SORCS1: variants seen among roughly 807,000 people sequenced by gnomAD.
The protein encoded by SORCS1 is sortilin related VPS10 domain containing receptor 1.
Under a neutral mutation model 146.1 loss-of-function variants are expected in SORCS1, and 60 were observed. The observed-to-expected ratio is 0.41, with a 90% confidence interval of 0.33 to 0.51. The LOEUF (loss-of-function observed/expected upper bound fraction) is 0.51. Among genes scored for constraint, SORCS1 ranks in the 20% least tolerant of loss-of-function variants. The probability of loss-of-function intolerance (pLI) is 0.21; values close to 1 mark genes in which losing one functional copy is unlikely to be tolerated. For synonymous variants in SORCS1, 637 were observed against 584.0 expected (o/e 1.09, Z -1.31); for missense variants, 1,352 against 1,487.6 (o/e 0.91, Z 1.50).
chr10:106,706,522 G>T (rs1345246679), intron 8 of SORCS1, 23 bp downstream of exon 8: 1 of 1,610,520 alleles, frequency 6.2e-7, no homozygotes. Context: ...AGAGTGAAAT[G>T]AAGAAAGTGA....
chr10:106,868,083 A>G (rs1950283276), intron 2 of SORCS1, among the ~76,000 whole-genome samples: 1 of 152,246 alleles, frequency 6.6e-6, no homozygotes, highest in Admixed American at 6.5e-5. Flanking sequence ...TTAAACCAAC[A>G]AAGATCAAAA....
chr10:106,878,362 T>C (rs982909641), intron 2 of SORCS1, among the ~76,000 whole-genome samples: 1 of 151,758 alleles, frequency 6.6e-6, no homozygotes, highest in African/African-American at 2.4e-5. Flanking sequence ...AAAATTCATA[T>C]GTTGAAACCT....
intron 5 of SORCS1, among the ~76,000 whole-genome samples, chr10:106,749,355 G>A (rs1206851920): frequency 6.6e-6 from 1 of 152,234 alleles, no homozygotes; most frequent in South Asian, 2.1e-4. Context: ...TGTGACCTCA[G>A]GCCCCAAACC....
At chr10:106,715,373 G>A (rs975267111) in intron 6 of SORCS1, among the ~76,000 whole-genome samples, 1 of 152,182 alleles carries the variant, frequency 6.6e-6, no homozygotes, top group African/African-American at 2.4e-5. Context: ...TGCAACAGCT[G>A]CTGCTTAGAA....
chr10:107,168,883 T>C (rs1323375823), upstream of SORCS1, among the ~76,000 whole-genome samples: 2 of 152,120 alleles, frequency 1.3e-5, no homozygotes, highest in East Asian at 3.9e-4. Context: ...TTATTGATGA[T>C]TTTCTATGTG....
At chr10:106,849,468 A>T (rs1949452440) in intron 2 of SORCS1, among the ~76,000 whole-genome samples, 1 of 143,256 alleles carries the variant, frequency 7.0e-6, no homozygotes, top group South Asian at 2.4e-4. Flanking sequence ...TGTATTGGTT[A>T]TTCTAGTTAT....
intron 3 of SORCS1, among the ~76,000 whole-genome samples, chr10:106,801,736 T>G (rs1446941203): frequency 6.6e-6 from 1 of 152,134 alleles, no homozygotes; most frequent in East Asian, 1.9e-4. Context: ...TTCACTGTGT[T>G]AGCCAGGACG....
intron 17 of SORCS1, among the ~76,000 whole-genome samples, chr10:106,662,043 A>T (rs1467578788): frequency 6.6e-6 from 1 of 152,214 alleles, no homozygotes; most frequent in East Asian, 1.9e-4. Flanking sequence ...ACCTGGAGGG[A>T]CATTCTGCAC....
chr10:106,674,056 C>G (rs909549126), intron 14 of SORCS1, among the ~76,000 whole-genome samples: 6 of 151,336 alleles, frequency 4.0e-5, no homozygotes, highest in African/African-American at 1.5e-4. Flanking sequence ...GTGGCTCACA[C>G]CTGTAATCCC....
At chr10:106,741,428 G>C (rs10884352) in intron 5 of SORCS1, among the ~76,000 whole-genome samples, 32,055 of 151,820 alleles carry the variant, frequency 0.21, 4,111 homozygotes, top group East Asian at 0.47. Flanking sequence ...GTGAAACCCC[G>C]TTTCTACTAA....
chr10:107,046,067 C>T lies in SORCS1; in HGVS notation c.559-89487G>A, dbSNP rs772521648. On this transcript the variant is annotated intron_variant, in intron 1 of 25. Transcript: ENST00000263054. ...GTTCAAGCGATCCTCCTGCCTCAGC[C>T]TCCTGAGTAGCTGGGACTACAGGCA... Among the ~76,000 whole-genome samples, 108 of 152,088 alleles carry T rather than the reference C, an allele frequency of 7.1e-4. 1 individual carries two copies. The highest frequency in any genetic ancestry group is 1.3e-3 in the Non-Finnish European group (89 of 67,996).
At chr10:106,829,776 T>C in intron 2 of SORCS1, 103 bp from the exon 3 acceptor site, 1 of 723,680 alleles carries the variant, frequency 1.4e-6, no homozygotes, top group Non-Finnish European at 2.3e-6. Context: ...TCAGGAGGTT[T>C]CTCAATGATT....
intron 1 of SORCS1, among the ~76,000 whole-genome samples, chr10:107,089,480 A>G (rs909761849): frequency 2.0e-5 from 3 of 152,210 alleles, no homozygotes; most frequent in East Asian, 1.9e-4. Flanking sequence ...AAATTAAAAC[A>G]TATTTTCCAT....
At chr10:107,150,292 G>T (rs1182172337) in intron 1 of SORCS1, among the ~76,000 whole-genome samples, 2 of 152,154 alleles carry the variant, frequency 1.3e-5, no homozygotes, top group Non-Finnish European at 2.9e-5. Flanking sequence ...TGGTATAAAA[G>T]GAAAGGTTAA....
intron 19 of SORCS1, among the ~76,000 whole-genome samples, chr10:106,622,864 T>C (rs1847842700): frequency 6.6e-6 from 1 of 152,336 alleles, no homozygotes; most frequent in East Asian, 1.9e-4. Context: ...CAGATGGAAG[T>C]GTTTGAAAGA....
chr10:107,176,985 C>T, the SORCS1 span, among the ~76,000 whole-genome samples: 1 of 151,786 alleles, frequency 6.6e-6, no homozygotes, highest in East Asian at 1.9e-4. Flanking sequence ...TGTGTTTCTC[C>T]TTGATTTGTT....
At chr10:106,687,185 C>A (rs1253598219) in intron 10 of SORCS1, among the ~76,000 whole-genome samples, 1 of 152,178 alleles carries the variant, frequency 6.6e-6, no homozygotes, top group Admixed American at 6.5e-5. Context: ...GGCATCAGAG[C>A]TACTAAGAGG....
intron 2 of SORCS1, among the ~76,000 whole-genome samples, chr10:106,910,907 A>G (rs1952120116): frequency 6.6e-6 from 1 of 152,254 alleles, no homozygotes. Flanking sequence ...GTGCATAAGT[A>G]GCAATAACTA....
intron 5 of SORCS1, among the ~76,000 whole-genome samples, chr10:106,750,350 G>C (rs747346601): frequency 1.1e-4 from 17 of 152,054 alleles, no homozygotes; most frequent in Non-Finnish European, 2.2e-4. Context: ...AATGAAGGTC[G>C]CATGAAAAGT....
Sources: gnomAD v4.1 joint callset for allele counts (sites outside exome capture counted in the v4.1 genomes callset) on GRCh38, gnomAD v4.1.1 for gene constraint, MANE v1.5 for transcripts, NCBI Gene and HGNC (gene_info 2026-07-23, HGNC 2026-07-21) for gene names.